GIMAP8: variants seen among roughly 807,000 people sequenced by gnomAD.
The protein encoded by GIMAP8 is GTPase, IMAP family member 8.
A neutral mutation model predicts 35.6 loss-of-function variants in GIMAP8; 29 were observed. That is an observed-to-expected ratio of 0.81 (90% CI 0.61 to 1.11). GIMAP8 has a LOEUF of 1.11. Among genes scored for constraint, GIMAP8 ranks in the 50% most tolerant of loss-of-function variants. GIMAP8 has a pLI of 0.00. For missense variants in GIMAP8, 811 were observed against 805.0 expected (o/e 1.01, Z -0.09); for synonymous variants, 335 against 308.7 (o/e 1.09, Z -0.89).
intron 1 of GIMAP8, among the ~76,000 whole-genome samples, chr7:150,459,427 G>T (rs994259086): frequency 1.3e-5 from 2 of 152,182 alleles, no homozygotes; most frequent in Admixed American, 1.3e-4. Context: ...GCCAGCATAA[G>T]ACCTTGAGGA....
intron 4 of GIMAP8, 33 bp downstream of exon 4, chr7:150,474,671 T>A (rs778345877): frequency 7.5e-7 from 1 of 1,338,862 alleles, no homozygotes; most frequent in South Asian, 1.8e-5. Context: ...TATTTTTACA[T>A]ATATCATTTA....
In GIMAP8 at chr7:150,474,363, G is replaced by A; in HGVS notation, c.1034G>A (p.Ser345Asn). Residue 345 changes from serine to asparagine, a missense_variant, in exon 4 of 5, where the codon AGC becomes AAC. By Grantham distance (46) the Ser-to-Asn change is conservative. Coordinates refer to ENST00000307271, the MANE Select transcript of GIMAP8 (RefSeq NM_175571.4). ...ACTAAGAATGATGAGGCAGTGCTGA[G>A]CACCATCCAAAACAATTTTGGAGAA... ...FYTKNDEAVL[S>N]TIQNNFGEKF... is the part of the protein sequence containing the mutation. 1 of 1,614,160 alleles carries A rather than the reference G, an allele frequency of 6.2e-7. No individual in the cohort carries two copies. Among genetic ancestry groups the A allele is most frequent in the Non-Finnish European group, 8.5e-7 (1 of 1,180,024 alleles).
Position 150,477,700 on chromosome 7 carries a change from G to A in GIMAP8, c.1918G>A (p.Val640Ile), listed in dbSNP as rs1802271614. 3 of 1,614,142 alleles carry A rather than the reference G, an allele frequency of 1.9e-6. No homozygotes were observed. Among genetic ancestry groups the A allele is most frequent in the East Asian group, 4.5e-5 (2 of 44,878 alleles). ...WSGYPHTQENVSKLIKNVQEM... is the reference protein window; with the variant it reads ...WSGYPHTQENISKLIKNVQEM... Reference sequence around the variant, plus strand: ...CGGGTATCCCCATACACAGGAGAACGTCAGCAAACTAATTAAAAATGTCCA... The same window carrying A: ...CGGGTATCCCCATACACAGGAGAACATCAGCAAACTAATTAAAAATGTCCA... Residue 640 changes from valine (V) to isoleucine (I), a missense_variant, in exon 5 of 5, where the codon GTC becomes ATC. Physicochemically the swap from Val to Ile is conservative, Grantham distance 29. Coordinates refer to ENST00000307271, the MANE Select transcript of GIMAP8 (RefSeq NM_175571.4).
chr7:150,477,618 C>T lies in GIMAP8; in HGVS notation c.1836C>T (p.Thr612=), dbSNP rs763583512. The part of the protein sequence containing the change: ...NNKETGQAQE[T]QVKALLTKVN... ...AAGAAACAGGCCAGGCCCAGGAAAC[C>T]CAGGTGAAAGCTCTTTTAACAAAGG... Residue 612 remains threonine (T), a synonymous_variant, in exon 5 of 5, where the codon ACC becomes ACT. Coordinates refer to ENST00000307271, the MANE Select transcript of GIMAP8 (RefSeq NM_175571.4). 9 of 1,614,114 alleles carry T rather than the reference C, an allele frequency of 5.6e-6. No individual in the cohort carries two copies. The Middle Eastern group carries it at 1.5e-3, about 266-fold the overall frequency.
In GIMAP8 at chr7:150,472,129, G is replaced by T. The variant is rs368773207; in HGVS notation, c.682+1255G>T. Reference sequence around the variant, plus strand: ...AACAAAAGTGCGTTTATTGACCTGTGGCTGTGAGGGCCCAGCACACCATGG... The same window carrying T: ...AACAAAAGTGCGTTTATTGACCTGTTGCTGTGAGGGCCCAGCACACCATGG... On this transcript the variant is annotated intron_variant, in intron 3 of 4. Transcript: ENST00000307271. This position sits in a 1 kb window ranked among gnomAD's most constrained non-coding sequence, Gnocchi z 4.1. Among the ~76,000 whole-genome samples, 12 of 152,244 alleles carry T rather than the reference G, an allele frequency of 7.9e-5. No individual in the cohort carries two copies. In the East Asian group the frequency reaches 2.1e-3, roughly 27 times the overall value.
intron 4 of GIMAP8, among the ~76,000 whole-genome samples, chr7:150,475,821 A>T (rs1802215958): frequency 2.0e-5 from 3 of 152,270 alleles, no homozygotes; most frequent in Admixed American, 1.3e-4. Context: ...GGCTGAGCAG[A>T]AAGCTGGAAG....
In GIMAP8 at chr7:150,467,300, A is replaced by G. The variant is rs750066764; in HGVS notation, c.602A>G (p.His201Arg). 5.6e-5 allele frequency: 90 copies of G among 1,613,208 alleles called. No homozygotes were observed. Among genetic ancestry groups the G allele is most frequent in the Non-Finnish European group, 2.5e-6 (3 of 1,179,296 alleles). The change falls in exon 2 of 5, where the codon CAT becomes CGT. Residue 201 changes from histidine (H) to arginine (R), a missense_variant. By Grantham distance (29) the His-to-Arg change is conservative. Transcript: ENST00000307271. Reference protein sequence around the residue: ...SLVNTNGGPYHVNFKTEGSRF... With the variant: ...SLVNTNGGPYRVNFKTEGSRF... ...GTGAATACGAACGGAGGACCCTATC[A>G]TGTGAACTTCAAAACTGAAGGCAGC... is the stretch of plus-strand genomic sequence containing the variant.
chr7:150,477,221 G>GCAGGAGGACATGGGACGGA lies in GIMAP8; in HGVS notation c.1447_1465dup (p.Val489AspfsTer40). 1.9e-6 allele frequency: 3 copies of GCAGGAGGACATGGGACGGA among 1,614,144 alleles called. No homozygotes were observed. The highest frequency in any genetic ancestry group is 1.7e-6 in the Non-Finnish European group (2 of 1,180,030). ...CCAGTCACCAAGACCAGCCAGAGTG[G>GCAGGAGGACATGGGACGGA]CAGGAGGACATGGGACGGACAGGAG... is the stretch of plus-strand genomic sequence containing the variant. On this transcript the variant is annotated frameshift_variant, in exon 5 of 5. Coordinates refer to ENST00000307271, the MANE Select transcript of GIMAP8 (RefSeq NM_175571.4). LOFTEE classifies it low-confidence loss of function (END_TRUNC).
At position 150,456,592 on chromosome 7, in the gene GIMAP8, T is replaced by C. The variant is rs1445251694; in HGVS notation, c.-29+5417T>C. On this transcript the variant is annotated intron_variant, in intron 1 of 4. Transcript: ENST00000307271. ...ATCTGTCTCAAAATTCTTAATAACATTGGCAAGGCCCCTTTTACCATGTAA... is the reference window on the plus strand; with the variant it reads ...ATCTGTCTCAAAATTCTTAATAACACTGGCAAGGCCCCTTTTACCATGTAA... Among the ~76,000 whole-genome samples, 5 of 152,208 alleles carry C rather than the reference T, an allele frequency of 3.3e-5. 1 individual carries two copies. Among genetic ancestry groups the C allele is most frequent in the Admixed American group, 3.3e-4 (5 of 15,278 alleles).
At chr7:150,452,637 A>ATATATG (rs1801635191) in intron 1 of GIMAP8, among the ~76,000 whole-genome samples, 1 of 141,900 alleles carries the variant, frequency 7.0e-6, no homozygotes, top group African/African-American at 2.6e-5. Context: ...GTATATATGT[A>ATATATG]TATATATGTG....
At chr7:150,466,537 T>A in intron 1 of GIMAP8, 134 bp from the exon 2 acceptor site, 1 of 690,160 alleles carries the variant, frequency 1.4e-6, no homozygotes, top group Non-Finnish European at 2.4e-6. Flanking sequence ...TCTAATCTAG[T>A]CTGGGTCTAG....
intron 1 of GIMAP8, among the ~76,000 whole-genome samples, chr7:150,455,162 A>G (rs1399493910): frequency 6.6e-6 from 1 of 151,610 alleles, no homozygotes; most frequent in Admixed American, 6.6e-5. Flanking sequence ...AAAACCAAAA[A>G]ACAAAAAACT....
Position 150,477,902 on chromosome 7 carries a change from A to G in GIMAP8, c.*122A>G, listed in dbSNP as rs532288146. 5.7e-6 allele frequency: 4 copies of G among 699,374 alleles called. No individual in the cohort carries two copies. The East Asian group carries it at 1.1e-4, about 19-fold the overall frequency. 43.3% of individuals were successfully genotyped at this position (699,374 alleles called of 1,614,324 possible). A position where few individuals can be genotyped will look rare whatever the true frequency, so the allele number is the denominator to read the frequency against. ...ATGGCTTTGAGGGCCTGAGAGGCAA[A>G]TGCATCCCGCCTTGTGATGTATCAG... is the stretch of plus-strand genomic sequence containing the variant. On this transcript the variant is annotated 3_prime_UTR_variant, in exon 5 of 5. Transcript: ENST00000307271.
At chr7:150,463,031 A>G (rs1801872996) in intron 1 of GIMAP8, among the ~76,000 whole-genome samples, 1 of 152,006 alleles carries the variant, frequency 6.6e-6, no homozygotes, top group Non-Finnish European at 1.5e-5. Context: ...TTTATTCTTA[A>G]AAAAGTTTTT....
At chr7:150,473,727 A>G (rs1802146806) in intron 3 of GIMAP8, among the ~76,000 whole-genome samples, 1 of 151,590 alleles carries the variant, frequency 6.6e-6, no homozygotes, top group African/African-American at 2.4e-5. Flanking sequence ...TACCTTTGAT[A>G]ACAAAATGAG....
rs754413716 is a variant in GIMAP8, at chr7:150,466,917, A to G, written c.219A>G (p.Ile73Met). 3 of 1,614,222 alleles carry G rather than the reference A, an allele frequency of 1.9e-6. No homozygotes were observed. The highest frequency in any genetic ancestry group is 2.5e-6 in the Non-Finnish European group (3 of 1,180,030). Residue 73 changes from isoleucine to methionine, a missense_variant, in exon 2 of 5, where the codon ATA becomes ATG. Transcript: ENST00000307271. ...VIDTPDLFSS[I>M]ACAEDKQRNI... ...ACACCCCTGACCTTTTCTCCTCAAT[A>G]GCTTGTGCTGAAGACAAGCAACGCA...
At chr7:150,466,518 G>A (rs1308668298) in intron 1 of GIMAP8, among the ~76,000 whole-genome samples, 153 bp from the exon 2 acceptor site, 1 of 152,184 alleles carries the variant, frequency 6.6e-6, no homozygotes, top group East Asian at 1.9e-4. Flanking sequence ...CTGGGAAAGT[G>A]TTTCTTGTTC....
At chr7:150,453,693 C>G (rs185035541) in intron 1 of GIMAP8, among the ~76,000 whole-genome samples, 94 of 152,332 alleles carry the variant, frequency 6.2e-4, no homozygotes, top group South Asian at 2.5e-3. Flanking sequence ...GTGAGAAAAA[C>G]AGAGCAAGTC....
chr7:150,474,254 T>C lies in GIMAP8; in HGVS notation c.925T>C (p.Leu309=), dbSNP rs79638052. ...CATTGATGCTCCGGACATCTCATCTTTAAAGAACATTGACTCAGAAGTTAG... is the reference window on the plus strand; with the variant it reads ...CATTGATGCTCCGGACATCTCATCTCTAAAGAACATTGACTCAGAAGTTAG... The part of the protein sequence containing the change: ...SIIDAPDISS[L]KNIDSEVRKH... Residue 309 remains leucine, a synonymous_variant, in exon 4 of 5, where the codon TTA becomes CTA. Coordinates refer to ENST00000307271, the MANE Select transcript of GIMAP8 (RefSeq NM_175571.4). 4,830 of 1,614,152 alleles carry C rather than the reference T, an allele frequency of 3.0e-3. 131 individuals are homozygous for C. The African/African-American group carries it at 0.058, about 19-fold the overall frequency.
Sources: gnomAD v4.1 joint callset for allele counts (sites outside exome capture counted in the v4.1 genomes callset) on GRCh38, gnomAD v4.1.1 for gene constraint, Gnocchi (gnomAD v3.1) non-coding constraint, MANE v1.5 for transcripts, NCBI Gene and HGNC (gene_info 2026-07-23, HGNC 2026-07-21) for gene names.